The following IL7 variants were observed in gnomAD, a reference collection of about 807,000 sequenced individuals.
IL7 encodes the protein interleukin 7, also known as interleukin-7.
IL7 carries 3 observed loss-of-function variants against 21.6 expected under a neutral mutation model. That is an observed-to-expected ratio of 0.14 (90% confidence interval 0.06 to 0.36). The LOEUF (loss-of-function observed/expected upper bound fraction) is 0.36. IL7 is among the 10% of genes least tolerant of loss of function. The probability of loss-of-function intolerance (pLI) is 1.00; values close to 1 mark genes in which losing one functional copy is unlikely to be tolerated. For synonymous variants in IL7, 62 were observed against 68.1 expected (o/e 0.91, Z 0.44); for missense variants, 175 against 200.2 (o/e 0.87, Z 0.76).
chr8:78,715,228 G>A (rs375752713), downstream of IL7: 150 of 1,613,142 alleles, frequency 9.3e-5, no homozygotes, highest in Non-Finnish European at 1.2e-4. Context: ...TAGAGCTAAT[G>A]TCAAACCCCG....
intron 3 of IL7, among the ~76,000 whole-genome samples, chr8:78,696,665 G>A (rs1196366009): frequency 1.3e-5 from 2 of 152,196 alleles, no homozygotes; most frequent in Non-Finnish European, 2.9e-5. Context: ...TTAGGTCAAT[G>A]CATACTCCAT....
chr8:78,675,914 C>T, exon 5 of IL7: 2 of 1,493,116 alleles, frequency 1.3e-6, no homozygotes, highest in Non-Finnish European at 1.9e-6. Context: ...TGTAATTGTT[C>T]AATAATTCTG....
intron 3 of IL7, chr8:78,712,055 A>T (rs1417433016): frequency 1.6e-6 from 2 of 1,289,784 alleles, no homozygotes; most frequent in Admixed American, 2.3e-5. Context: ...TATGACAGTG[A>T]TACAAAATCA....
chr8:78,713,568 A>G (rs539440331), downstream of IL7, among the ~76,000 whole-genome samples: 2 of 152,302 alleles, frequency 1.3e-5, no homozygotes, highest in African/African-American at 4.8e-5. Context: ...CAACATCCCC[A>G]AAGAGGCTAT....
At chr8:78,675,975 G>A in exon 5 of IL7, 1 of 867,640 alleles carries the variant, frequency 1.2e-6, no homozygotes. Flanking sequence ...AAGAGTTAAT[G>A]GGTACTATTC....
chr8:78,784,389 C>T (rs2130815047), intron 2 of IL7, among the ~76,000 whole-genome samples: 1 of 152,214 alleles, frequency 6.6e-6, no homozygotes, highest in South Asian at 2.1e-4. Context: ...TTATAAGCCA[C>T]CAAAGTACCA....
chr8:78,753,353 A>G (rs549979395), intron 2 of IL7, among the ~76,000 whole-genome samples: 1 of 151,964 alleles, frequency 6.6e-6, no homozygotes, highest in East Asian at 1.9e-4. Flanking sequence ...ACTTTTTTTG[A>G]TATGTTTGTT....
chr8:78,683,109 C>T (rs1809843314), intron 4 of IL7, among the ~76,000 whole-genome samples: 1 of 152,216 alleles, frequency 6.6e-6, no homozygotes. Context: ...CTTTCTTGGG[C>T]TGGCATTGAG....
chr8:78,732,840 A>G lies in IL7; in HGVS notation c.*873T>C, dbSNP rs748806817. ...CAAAGTAAGCAATTTGTAATGCTGT[A>G]TGAAAATATTTTATATACAGATATA... On this transcript the variant is annotated 3_prime_UTR_variant, in exon 6 of 6. Transcript: ENST00000263851. The G allele has an allele frequency of 9.2e-5, 14 of 152,142 alleles. No homozygotes were observed. Among genetic ancestry groups the G allele is most frequent in the Non-Finnish European group, 1.8e-4 (12 of 68,004 alleles). 9.4% of individuals were successfully genotyped at this position (152,142 alleles called of 1,614,324 possible).
chr8:78,684,475 A>G (rs1458185622), intron 4 of IL7, among the ~76,000 whole-genome samples: 1 of 152,136 alleles, frequency 6.6e-6, no homozygotes, highest in Admixed American at 6.5e-5. Flanking sequence ...CCTACCGAGT[A>G]CCCCCATAAC....
downstream of IL7, among the ~76,000 whole-genome samples, chr8:78,716,463 G>A (rs1009371621): frequency 6.6e-6 from 1 of 152,026 alleles, no homozygotes; most frequent in East Asian, 1.9e-4. Flanking sequence ...CTCCCTGTGA[G>A]TGCATGCATA....
intron 2 of IL7, among the ~76,000 whole-genome samples, chr8:78,767,786 T>G (rs892526874): frequency 1.3e-5 from 2 of 152,038 alleles, no homozygotes; most frequent in Non-Finnish European, 2.9e-5. Flanking sequence ...TTATTATTAT[T>G]ATACTTTAAG....
At chr8:78,783,591 T>C (rs540672416) in intron 2 of IL7, among the ~76,000 whole-genome samples, 7 of 152,286 alleles carry the variant, frequency 4.6e-5, no homozygotes, top group Non-Finnish European at 1.0e-4. Flanking sequence ...AATGGTTATA[T>C]ACCATCCTAC....
intron 1 of IL7, among the ~76,000 whole-genome samples, chr8:78,804,324 G>C (rs1349095255): frequency 1.3e-5 from 2 of 152,284 alleles, no homozygotes; most frequent in Non-Finnish European, 2.9e-5. Context: ...CTTCCTCAGC[G>C]CCAGCCCCAG....
chr8:78,740,419 T>C (rs181383015), intron 2 of IL7, among the ~76,000 whole-genome samples: 1 of 152,312 alleles, frequency 6.6e-6, no homozygotes, highest in Admixed American at 6.5e-5. Flanking sequence ...TGTGAAGTCA[T>C]TAAGTTGAGA....
chr8:78,802,123 G>T (rs974956077), intron 1 of IL7, among the ~76,000 whole-genome samples: 1 of 152,144 alleles, frequency 6.6e-6, no homozygotes, highest in African/African-American at 2.4e-5. Flanking sequence ...ACCAGAAGGA[G>T]GTCTGTCTAA....
At chr8:78,793,347 T>C (rs1395775530) in intron 2 of IL7, among the ~76,000 whole-genome samples, 1 of 152,120 alleles carries the variant, frequency 6.6e-6, no homozygotes, top group Non-Finnish European at 1.5e-5. Flanking sequence ...ATTGCAGGCA[T>C]ACCTCAGAGA....
At chr8:78,797,774 G>C (rs1813909753) in intron 2 of IL7, 1 of 226,296 alleles carries the variant, frequency 4.4e-6, no homozygotes, top group African/African-American at 2.3e-5. Flanking sequence ...CATGGTAAAT[G>C]GGAGGTGAGG....
chr8:78,801,515 C>T (rs929331623), intron 1 of IL7, among the ~76,000 whole-genome samples: 3 of 151,966 alleles, frequency 2.0e-5, no homozygotes, highest in African/African-American at 7.2e-5. Flanking sequence ...ATGATCTTAC[C>T]GTGAGCCATG....
Sources: gnomAD v4.1 joint callset for allele counts (sites outside exome capture counted in the v4.1 genomes callset) on GRCh38, gnomAD v4.1.1 for gene constraint, MANE v1.5 for transcripts, NCBI Gene and HGNC (gene_info 2026-07-23, HGNC 2026-07-21) for gene names.